The following TMEM232 variants were observed in gnomAD, a reference collection of about 807,000 sequenced individuals.
TMEM232 encodes the protein transmembrane protein 232.
In TMEM232, 80 loss-of-function variants were observed where a neutral mutation model predicts 78.8. The observed-to-expected ratio is 1.01, with a 90% CI of 0.85 to 1.22. TMEM232 has a LOEUF of 1.22. TMEM232 is among the 50% of genes most tolerant of loss of function. TMEM232 has a pLI of 0.00. For missense variants in TMEM232, 881 were observed against 742.2 expected (o/e 1.19, Z -2.17); for synonymous variants, 297 against 254.3 (o/e 1.17, Z -1.60).
chr5:110,437,520 T>A (rs1216209394), intron 12 of TMEM232, among the ~76,000 whole-genome samples: 1 of 152,038 alleles, frequency 6.6e-6, no homozygotes, highest in Non-Finnish European at 1.5e-5. Context: ...GAAAAGAGTT[T>A]CCAGTTTCAG....
At chr5:110,445,630 C>T (rs1759564432) in intron 12 of TMEM232, among the ~76,000 whole-genome samples, 1 of 152,106 alleles carries the variant, frequency 6.6e-6, no homozygotes, top group African/African-American at 2.4e-5. Flanking sequence ...GTTTTTGGGC[C>T]ATGGTCTCTG....
chr5:110,537,277 TTA>T (rs377459137), intron 11 of TMEM232, among the ~76,000 whole-genome samples: 142 of 142,548 alleles, frequency 1.0e-3, no homozygotes, highest in African/African-American at 4.2e-3. Flanking sequence ...AAGAGAAAAC[TTA>T]TATATATATA....
chr5:110,464,013 T>G (rs73220745), intron 12 of TMEM232, among the ~76,000 whole-genome samples: 2,844 of 152,310 alleles, frequency 0.019, 104 homozygotes, highest in African/African-American at 0.066. Flanking sequence ...ATATGGGTCT[T>G]AGCTCAAATG....
At chr5:110,692,082 G>C (rs962590241) in intron 1 of TMEM232, among the ~76,000 whole-genome samples, 1 of 151,986 alleles carries the variant, frequency 6.6e-6, no homozygotes, top group Non-Finnish European at 1.5e-5. Context: ...CACCACGCTC[G>C]GCTAATTTTT....
At chr5:110,638,898 T>C (rs1786280637) in intron 4 of TMEM232, among the ~76,000 whole-genome samples, 1 of 152,044 alleles carries the variant, frequency 6.6e-6, no homozygotes, top group South Asian at 2.1e-4. Context: ...AAAAAGGGAA[T>C]AGCAGAAGAC....
At chr5:110,534,924 T>C (rs1424393452) in intron 11 of TMEM232, among the ~76,000 whole-genome samples, 3 of 151,986 alleles carry the variant, frequency 2.0e-5, no homozygotes, top group African/African-American at 7.3e-5. Context: ...AACCCCACAA[T>C]ATCACCCCTT....
intron 1 of TMEM232, among the ~76,000 whole-genome samples, chr5:110,678,356 T>A (rs1217357791): frequency 6.6e-6 from 1 of 152,138 alleles, no homozygotes; most frequent in Non-Finnish European, 1.5e-5. Flanking sequence ...TGAGCCACCA[T>A]GCCTAGCCTG....
At chr5:110,585,562 T>TG (rs1778714127) in intron 10 of TMEM232, among the ~76,000 whole-genome samples, 1 of 152,104 alleles carries the variant, frequency 6.6e-6, no homozygotes, top group South Asian at 2.1e-4. Flanking sequence ...ATTTGGAAAA[T>TG]GGAGTAAAAG....
chr5:110,631,592 CCT>C (rs2149973445), intron 5 of TMEM232, among the ~76,000 whole-genome samples: 1 of 152,284 alleles, frequency 6.6e-6, no homozygotes, highest in East Asian at 1.9e-4. Context: ...CCAGATGGCA[CCT>C]TGTCTGGGCC....
chr5:110,679,727 TAATTA>T (rs1367272653), intron 1 of TMEM232, among the ~76,000 whole-genome samples: 1 of 135,564 alleles, frequency 7.4e-6, no homozygotes, highest in Middle Eastern at 4.0e-3. Context: ...ATCTCCATAT[TAATTA>T]GTTACATGTA....
intron 11 of TMEM232, among the ~76,000 whole-genome samples, chr5:110,549,529 C>T (rs910688942): frequency 6.9e-5 from 10 of 145,174 alleles, no homozygotes; most frequent in African/African-American, 2.6e-4. Context: ...ACAGTAGAGT[C>T]GCTTGAGCAC....
intron 1 of TMEM232, among the ~76,000 whole-genome samples, chr5:110,702,410 A>T (rs1345963657): frequency 6.6e-6 from 1 of 151,976 alleles, no homozygotes; most frequent in Non-Finnish European, 1.5e-5. Flanking sequence ...GCCACTCAGG[A>T]AATTGTAATG....
At chr5:110,474,381 T>A (rs1763014772) in intron 12 of TMEM232, among the ~76,000 whole-genome samples, 1 of 151,970 alleles carries the variant, frequency 6.6e-6, no homozygotes, top group African/African-American at 2.4e-5. Flanking sequence ...GTTTAATGTA[T>A]CCCTGTTCTG....
At chr5:110,697,175 C>G (rs1266503217) in intron 1 of TMEM232, among the ~76,000 whole-genome samples, 1 of 152,080 alleles carries the variant, frequency 6.6e-6, no homozygotes, top group Non-Finnish European at 1.5e-5. Context: ...TTTGACAAAC[C>G]TGACAAAAAC....
intron 11 of TMEM232, among the ~76,000 whole-genome samples, chr5:110,539,957 A>G (rs1240090466): frequency 2.6e-5 from 4 of 152,184 alleles, no homozygotes; most frequent in African/African-American, 9.6e-5. Flanking sequence ...GGGAATAGCC[A>G]GGTTTTGCAG....
chr5:110,713,035 G>C (rs997271468), intron 1 of TMEM232, among the ~76,000 whole-genome samples: 5 of 152,012 alleles, frequency 3.3e-5, no homozygotes, highest in African/African-American at 1.2e-4. Context: ...TGAGTGGATA[G>C]AGAAAATGTT....
intron 12 of TMEM232, among the ~76,000 whole-genome samples, chr5:110,478,897 ATTT>A (rs746104997): frequency 0.17 from 18,624 of 111,628 alleles, 2,296 homozygotes; most frequent in African/African-American, 0.4. Context: ...GGAGAAATTG[ATTT>A]TTTTTTTTTT....
At chr5:110,397,342 A>C (rs1755426146) in intron 3 of TMEM232, among the ~76,000 whole-genome samples, 1 of 152,184 alleles carries the variant, frequency 6.6e-6, no homozygotes, top group Admixed American at 6.6e-5. Context: ...ACCCCAAACT[A>C]ATAACTAGAG....
intron 2 of TMEM232, among the ~76,000 whole-genome samples, chr5:110,405,805 G>C (rs1401390108): frequency 3.3e-5 from 5 of 149,656 alleles, no homozygotes; most frequent in African/African-American, 1.2e-4. Context: ...TAGCACGCTT[G>C]TATTTGGAGT....
Sources: allele counts gnomAD v4.1 joint callset (sites outside exome capture counted in the v4.1 genomes callset), GRCh38; gene constraint gnomAD v4.1.1; transcripts MANE v1.5; gene names NCBI Gene and HGNC (gene_info 2026-07-23, HGNC 2026-07-21).